Variants in LRP1B observed in about 807,000 individuals in gnomAD.
LRP1B encodes the protein low-density lipoprotein receptor-related protein 1B.
A neutral mutation model predicts 556.6 loss-of-function variants in LRP1B; 217 were observed. The ratio of observed to expected loss-of-function variants is 0.39; its 90% CI spans 0.35 to 0.44. The LOEUF (loss-of-function observed/expected upper bound fraction) is 0.44. LRP1B is among the 20% of genes least tolerant of loss of function. LRP1B has a pLI of 1.00. For missense variants in LRP1B, 5,053 were observed against 5,620.8 expected (o/e 0.90, Z 3.23); for synonymous variants, 2,047 against 1,865.8 (o/e 1.10, Z -2.50).
At chr2:141,072,908 G>A (rs566540176) in intron 7 of LRP1B, among the ~76,000 whole-genome samples, 12 of 151,914 alleles carry the variant, frequency 7.9e-5, no homozygotes, top group African/African-American at 2.7e-4. Flanking sequence ...CTCTCTTTTT[G>A]TTTAGTCCAA....
intron 41 of LRP1B, among the ~76,000 whole-genome samples, chr2:140,639,994 G>A (rs996740137): frequency 2.6e-5 from 4 of 151,978 alleles, no homozygotes; most frequent in Admixed American, 6.6e-5. Flanking sequence ...ATGCTACATT[G>A]TTTTTTGTTT....
chr2:141,375,123 T>G (rs990107234), intron 3 of LRP1B, among the ~76,000 whole-genome samples: 4 of 152,220 alleles, frequency 2.6e-5, no homozygotes, highest in African/African-American at 9.6e-5. Flanking sequence ...AATCTTTGTA[T>G]GGCTTCTTTA....
chr2:140,422,912 T>C (rs1480348593), intron 66 of LRP1B, among the ~76,000 whole-genome samples: 6 of 152,186 alleles, frequency 3.9e-5, no homozygotes, highest in Admixed American at 2.6e-4. Flanking sequence ...TTATTGCGGC[T>C]TAGAAATGCA....
intron 41 of LRP1B, among the ~76,000 whole-genome samples, chr2:140,669,804 C>T (rs1022803970): frequency 1.2e-4 from 18 of 151,966 alleles, no homozygotes; most frequent in African/African-American, 3.1e-4. Flanking sequence ...TAGATTGTTT[C>T]GAATCGTCCA....
intron 41 of LRP1B, among the ~76,000 whole-genome samples, chr2:140,645,533 CTTTT>C (rs36082249): frequency 0.031 from 2,481 of 80,844 alleles, 11 homozygotes; most frequent in Middle Eastern, 0.067. Flanking sequence ...TGCCAATATT[CTTTT>C]TTTTTTTTTT....
chr2:140,646,779 T>C (rs2105311271), intron 41 of LRP1B, among the ~76,000 whole-genome samples: 1 of 152,214 alleles, frequency 6.6e-6, no homozygotes, highest in Admixed American at 6.5e-5. Flanking sequence ...TAGATATATA[T>C]ATAAATGTAT....
intron 3 of LRP1B, among the ~76,000 whole-genome samples, chr2:141,452,890 G>A (rs1031967851): frequency 6.6e-6 from 1 of 152,080 alleles, no homozygotes; most frequent in Non-Finnish European, 1.5e-5. Context: ...GAGGTTATTG[G>A]ATGACTATAT....
chr2:141,509,598 A>T (rs2105148709), intron 2 of LRP1B, among the ~76,000 whole-genome samples: 1 of 152,308 alleles, frequency 6.6e-6, no homozygotes, highest in East Asian at 1.9e-4. Flanking sequence ...AATGCCTTCC[A>T]AGTCAAACTT....
At chr2:141,782,467 T>C (rs927566579) in intron 2 of LRP1B, among the ~76,000 whole-genome samples, 14 of 151,798 alleles carry the variant, frequency 9.2e-5, no homozygotes, top group African/African-American at 3.4e-4. Flanking sequence ...GCTTGCAAAG[T>C]TCAATTGTTT....
chr2:141,031,425 C>G (rs1225042830), intron 11 of LRP1B, among the ~76,000 whole-genome samples: 2 of 151,752 alleles, frequency 1.3e-5, no homozygotes, highest in African/African-American at 4.8e-5. Flanking sequence ...CTTTTTAAGT[C>G]AATATTTTAC....
intron 43 of LRP1B, among the ~76,000 whole-genome samples, chr2:140,556,324 C>A (rs11900187): frequency 2.3e-4 from 35 of 152,098 alleles, no homozygotes; most frequent in Admixed American, 1.0e-3. Context: ...AAGGCCCCCC[C>A]ACAATGTACT....
chr2:140,615,286 C>G lies in LRP1B; in HGVS notation c.6800-13647G>C, dbSNP rs554829517. Among the ~76,000 whole-genome samples the G allele has an allele frequency of 3.8e-3, 577 of 152,198 alleles. 2 individuals are homozygous for G. Among genetic ancestry groups the G allele is most frequent in the Non-Finnish European group, 6.4e-3 (436 of 67,964 alleles). On this transcript the variant is annotated intron_variant, in intron 41 of 90. Transcript: ENST00000389484. ...TCAGTGTAAAAAGACAGCTTCAACC[C>G]TCTATGGTTTCATCCCTGACCCAAC...
chr2:141,265,246 GGGTGCCCTCTATGTT>G (rs1296460080), intron 3 of LRP1B, among the ~76,000 whole-genome samples: 1 of 152,176 alleles, frequency 6.6e-6, no homozygotes, highest in East Asian at 1.9e-4. Flanking sequence ...CACACACCCA[GGGTGCCCTCTATGTT>G]GCAGGGCACC....
intron 1 of LRP1B, among the ~76,000 whole-genome samples, chr2:142,084,720 AC>A (rs1705844972): frequency 6.6e-6 from 1 of 152,180 alleles, no homozygotes; most frequent in African/African-American, 2.4e-5. Flanking sequence ...TGTAATAGTT[AC>A]CTAATTGGTC....
chr2:141,406,137 T>C (rs368797895), intron 3 of LRP1B, among the ~76,000 whole-genome samples: 1 of 152,098 alleles, frequency 6.6e-6, no homozygotes, highest in African/African-American at 2.4e-5. Flanking sequence ...TTTTTTCCCA[T>C]TGACAAATGA....
intron 9 of LRP1B, 43 bp from the exon 10 acceptor site, chr2:141,055,302 A>G (rs1699148839): frequency 8.9e-6 from 14 of 1,579,410 alleles, no homozygotes; most frequent in Non-Finnish European, 1.1e-5. Flanking sequence ...TCAAGTTCAA[A>G]GATAAGATAA....
chr2:140,454,493 T>G (rs1442617635), intron 62 of LRP1B, among the ~76,000 whole-genome samples: 1 of 152,088 alleles, frequency 6.6e-6, no homozygotes, highest in Non-Finnish European at 1.5e-5. Context: ...AAGTGATACC[T>G]CCTCCTTTTT....
chr2:141,433,642 T>C (rs1680650874), intron 3 of LRP1B, among the ~76,000 whole-genome samples: 1 of 152,164 alleles, frequency 6.6e-6, no homozygotes, highest in African/African-American at 2.4e-5. Context: ...CTGATAGTTT[T>C]GTTGGGGTTC....
intron 6 of LRP1B, among the ~76,000 whole-genome samples, chr2:141,219,731 C>T (rs1172083771): frequency 6.6e-6 from 1 of 152,098 alleles, no homozygotes; most frequent in East Asian, 1.9e-4. Flanking sequence ...GAGGAAGGAA[C>T]AGGAAGCCAT....
Sources: allele counts gnomAD v4.1 joint callset (sites outside exome capture counted in the v4.1 genomes callset), GRCh38; gene constraint gnomAD v4.1.1; transcripts MANE v1.5; gene names NCBI Gene and HGNC (gene_info 2026-07-23, HGNC 2026-07-21).